The following FSTL5 variants were observed in gnomAD, a reference collection of about 807,000 sequenced individuals.
FSTL5 encodes follistatin-related protein 5.
In FSTL5, 62 loss-of-function variants were observed where a neutral mutation model predicts 89.1. The ratio of observed to expected loss-of-function variants is 0.70; its 90% CI spans 0.57 to 0.86. The LOEUF (loss-of-function observed/expected upper bound fraction) is 0.86. FSTL5 is among the 40% of genes least tolerant of loss of function. The pLI, the probability that FSTL5 is intolerant of heterozygous loss-of-function variation, is 0.00. For missense variants in FSTL5, 1,057 were observed against 1,001.6 expected (o/e 1.06, Z -0.75); for synonymous variants, 383 against 346.2 (o/e 1.11, Z -1.18).
chr4:162,059,358 C>T (rs72980632), intron 2 of FSTL5, among the ~76,000 whole-genome samples: 4,483 of 152,124 alleles, frequency 0.029, 158 homozygotes, highest in East Asian at 0.086. Flanking sequence ...TACATTCTTA[C>T]GTGTTAATAT....
chr4:161,844,165 T>C (rs1731296647), intron 4 of FSTL5, among the ~76,000 whole-genome samples: 2 of 152,110 alleles, frequency 1.3e-5, no homozygotes, highest in African/African-American at 2.4e-5. Flanking sequence ...AGAAGACATA[T>C]ATGCAGCCAA....
chr4:161,511,738 A>T (rs569044025), intron 10 of FSTL5, among the ~76,000 whole-genome samples: 1 of 152,262 alleles, frequency 6.6e-6, no homozygotes, highest in African/African-American at 2.4e-5. Context: ...ATAGGAGGAA[A>T]GAGAACATTG....
At chr4:161,417,008 T>C (rs1486796154) in intron 15 of FSTL5, among the ~76,000 whole-genome samples, 1 of 152,182 alleles carries the variant, frequency 6.6e-6, no homozygotes, top group Non-Finnish European at 1.5e-5. Flanking sequence ...ACAATGTTTA[T>C]TATTAAAAGT....
At chr4:161,590,701 C>G (rs1020588717) in intron 7 of FSTL5, among the ~76,000 whole-genome samples, 1 of 152,182 alleles carries the variant, frequency 6.6e-6, no homozygotes, top group African/African-American at 2.4e-5. Context: ...TGAGATACTA[C>G]TTCATATGCT....
At chr4:161,390,599 T>A (rs1489892157) in intron 15 of FSTL5, among the ~76,000 whole-genome samples, 1 of 152,012 alleles carries the variant, frequency 6.6e-6, no homozygotes, top group Non-Finnish European at 1.5e-5. Flanking sequence ...ACTTGCCACG[T>A]TACAATGCTC....
intron 1 of FSTL5, among the ~76,000 whole-genome samples, chr4:162,124,288 G>C (rs1474037858): frequency 6.6e-6 from 1 of 152,160 alleles, no homozygotes; most frequent in Admixed American, 6.5e-5. Context: ...TCTAGACTGA[G>C]GGTAGGTGTA....
chr4:161,931,049 C>A (rs1363259803), intron 3 of FSTL5, among the ~76,000 whole-genome samples: 1 of 151,816 alleles, frequency 6.6e-6, no homozygotes, highest in African/African-American at 2.4e-5. Context: ...TCTGGCACTA[C>A]ATAGAAATTA....
chr4:161,900,298 G>C (rs543796836), intron 4 of FSTL5, among the ~76,000 whole-genome samples: 1 of 152,240 alleles, frequency 6.6e-6, no homozygotes, highest in East Asian at 1.9e-4. Context: ...AACTAATACA[G>C]TGAATGAAGC....
intron 3 of FSTL5, among the ~76,000 whole-genome samples, chr4:161,979,586 C>G (rs932391935): frequency 1.3e-5 from 2 of 151,864 alleles, no homozygotes; most frequent in African/African-American, 2.4e-5. Context: ...ATGAGTGATA[C>G]TTGAGTTTAT....
At position 161,528,087 on chromosome 4, in the gene FSTL5, T is replaced by A. The variant is rs564311751; in HGVS notation, c.1312+10079A>T. 2.8e-5 allele frequency among the ~76,000 whole-genome samples: 4 copies of A among 141,390 alleles called. No individual in the cohort carries two copies. The East Asian group carries it at 8.4e-4, about 30-fold the overall frequency. The allele number at this position is 141,390 out of a possible 152,430, so 92.8% of individuals were successfully genotyped here. Reference sequence around the variant, plus strand: ...GCATATTCTCACTCATAGGTGGGAATTGAACAATGAGAACACATGGACACA... The same window carrying A: ...GCATATTCTCACTCATAGGTGGGAAATGAACAATGAGAACACATGGACACA... On this transcript the variant is annotated intron_variant, in intron 10 of 15. Coordinates refer to ENST00000306100, the MANE Select transcript of FSTL5 (RefSeq NM_020116.5).
intron 4 of FSTL5, among the ~76,000 whole-genome samples, chr4:161,837,779 A>C (rs965678476): frequency 3.9e-5 from 6 of 152,118 alleles, no homozygotes; most frequent in Non-Finnish European, 5.9e-5. Flanking sequence ...TTCAAAAATA[A>C]AATTTATGGC....
intron 7 of FSTL5, among the ~76,000 whole-genome samples, chr4:161,617,706 C>A (rs1205925049): frequency 6.6e-6 from 1 of 152,106 alleles, no homozygotes; most frequent in East Asian, 1.9e-4. Context: ...ACAAAAAAGA[C>A]CTGAGAATGA....
intron 7 of FSTL5, among the ~76,000 whole-genome samples, chr4:161,591,550 T>C (rs1435560661): frequency 1.3e-5 from 2 of 152,124 alleles, no homozygotes; most frequent in African/African-American, 4.8e-5. Flanking sequence ...ATAATAAAAC[T>C]ATATATATTC....
chr4:161,956,636 T>C (rs1343918169), intron 3 of FSTL5, among the ~76,000 whole-genome samples: 2 of 151,840 alleles, frequency 1.3e-5, no homozygotes, highest in Non-Finnish European at 2.9e-5. Context: ...TACAAACAAA[T>C]GACAGCATAT....
At chr4:161,483,741 G>A (rs961159193) in intron 12 of FSTL5, among the ~76,000 whole-genome samples, 4 of 151,952 alleles carry the variant, frequency 2.6e-5, no homozygotes, top group Non-Finnish European at 5.9e-5. Context: ...GAGATTTAAT[G>A]GGCCAAAAAG....
chr4:161,682,860 C>T (rs1737571267), intron 6 of FSTL5, among the ~76,000 whole-genome samples: 2 of 152,062 alleles, frequency 1.3e-5, no homozygotes, highest in African/African-American at 4.8e-5. Flanking sequence ...AATTCTTCTG[C>T]CTTAGCTTCC....
At position 161,638,032 on chromosome 4, in the gene FSTL5, T is replaced by A. The variant is rs543523907; in HGVS notation, c.894+18296A>T. Among the ~76,000 whole-genome samples, 4 of 152,180 alleles carry A rather than the reference T, an allele frequency of 2.6e-5. No homozygotes were observed. In the South Asian group the frequency reaches 8.3e-4, roughly 32 times the overall value. On this transcript the variant is annotated intron_variant, in intron 7 of 15. Coordinates refer to ENST00000306100, the MANE Select transcript of FSTL5 (RefSeq NM_020116.5). ...ACTGGTAGCTTTATGGGGATGGCAT[T>A]GAATCTGTAAATTACCTTGGGCAGT...
At chr4:161,729,523 A>T (rs1159075590) in intron 6 of FSTL5, among the ~76,000 whole-genome samples, 1 of 152,274 alleles carries the variant, frequency 6.6e-6, no homozygotes. Flanking sequence ...GATGGTAATT[A>T]CCACTTCATC....
chr4:162,127,560 C>A (rs192398733), intron 1 of FSTL5, among the ~76,000 whole-genome samples: 357 of 152,170 alleles, frequency 2.3e-3, no homozygotes, highest in Admixed American at 3.5e-3. Flanking sequence ...TATCTTGCAA[C>A]CTTTGTTTCT....
Sources: gnomAD v4.1 joint callset for allele counts (sites outside exome capture counted in the v4.1 genomes callset) on GRCh38, gnomAD v4.1.1 for gene constraint, MANE v1.5 for transcripts, NCBI Gene and HGNC (gene_info 2026-07-23, HGNC 2026-07-21) for gene names.